Variants in NAA15 observed in about 807,000 individuals in gnomAD.
The protein encoded by NAA15 is N-alpha-acetyltransferase 15, NatA auxiliary subunit.
Under a neutral mutation model 114.0 loss-of-function variants are expected in NAA15, and 34 were observed. That is an observed-to-expected ratio of 0.30 (90% CI 0.23 to 0.40). The LOEUF (loss-of-function observed/expected upper bound fraction) is 0.40, where lower values mean the gene tolerates loss of function less well. Among genes scored for constraint, NAA15 ranks in the 10% least tolerant of loss-of-function variants. The pLI is 1.00. For synonymous variants in NAA15, 340 were observed against 338.0 expected (o/e 1.01, Z -0.06); for missense variants, 658 against 1,004.5 (o/e 0.66, Z 4.66).
chr4:139,387,547 A>AGGCTGAGGTAACATTGCT (rs1748942961), intron 19 of NAA15, among the ~76,000 whole-genome samples: 1 of 152,218 alleles, frequency 6.6e-6, no homozygotes, highest in Non-Finnish European at 1.5e-5. Flanking sequence ...GGGCCAGGCT[A>AGGCTGAGGTAACATTGCT]GGCTGAGGTA....
intron 1 of NAA15, among the ~76,000 whole-genome samples, chr4:139,328,546 CCTTTT>C (rs1332213646): frequency 6.7e-6 from 1 of 149,974 alleles, no homozygotes; most frequent in Non-Finnish European, 1.5e-5. Flanking sequence ...TTTTCCTTTT[CCTTTT>C]CTTTTTCTTT....
At chr4:139,383,448 A>G (rs148205946) in intron 17 of NAA15, among the ~76,000 whole-genome samples, 30 of 152,318 alleles carry the variant, frequency 2.0e-4, no homozygotes, top group African/African-American at 7.0e-4. Flanking sequence ...GCCTGGGAAT[A>G]TGATGACAAC....
At chr4:139,352,566 T>G (rs751473722) in intron 9 of NAA15, among the ~76,000 whole-genome samples, 1 of 152,132 alleles carries the variant, frequency 6.6e-6, no homozygotes, top group Non-Finnish European at 1.5e-5. Flanking sequence ...ATAATGTGCA[T>G]TTATTTGCCG....
At chr4:139,327,067 T>A (rs1437949418) in intron 1 of NAA15, among the ~76,000 whole-genome samples, 1 of 151,890 alleles carries the variant, frequency 6.6e-6, no homozygotes, top group Non-Finnish European at 1.5e-5. Context: ...TCCTGAGTAG[T>A]TGGGCCTAAA....
At chr4:139,386,312 C>T (rs972995609) in intron 19 of NAA15, 82 bp downstream of exon 19, 1 of 698,554 alleles carries the variant, frequency 1.4e-6, no homozygotes, top group Non-Finnish European at 2.4e-6. Flanking sequence ...TTTATACACA[C>T]TGTTTTTTAA....
intron 1 of NAA15, among the ~76,000 whole-genome samples, chr4:139,307,643 T>A (rs768236255): frequency 2.6e-5 from 4 of 152,224 alleles, no homozygotes; most frequent in Non-Finnish European, 5.9e-5. Context: ...AATCTTAATT[T>A]AAATTCAAAT....
chr4:139,357,337 T>G (rs1747989613), intron 10 of NAA15, 49 bp from the exon 11 acceptor site: 1 of 1,566,400 alleles, frequency 6.4e-7, no homozygotes. Flanking sequence ...GGGGGTGCTC[T>G]TAATATATGT....
At chr4:139,358,283 T>C (rs1002655135) in intron 11 of NAA15, among the ~76,000 whole-genome samples, 2 of 151,716 alleles carry the variant, frequency 1.3e-5, no homozygotes, top group African/African-American at 4.8e-5. Context: ...ATGTCTGCCT[T>C]CCGGGTTGAA....
intron 1 of NAA15, among the ~76,000 whole-genome samples, chr4:139,306,057 A>G (rs962892128): frequency 1.3e-5 from 2 of 152,164 alleles, no homozygotes; most frequent in Non-Finnish European, 2.9e-5. Flanking sequence ...GATCTAGTCT[A>G]GTTGATCTCT....
At chr4:139,327,786 C>G (rs1746851571) in intron 1 of NAA15, among the ~76,000 whole-genome samples, 1 of 152,122 alleles carries the variant, frequency 6.6e-6, no homozygotes, top group South Asian at 2.1e-4. Flanking sequence ...CTGCCTCTGC[C>G]TCCCTAGTAG....
At chr4:139,354,179 T>C in intron 10 of NAA15, 81 bp downstream of exon 10, 1 of 1,160,542 alleles carries the variant, frequency 8.6e-7, no homozygotes, top group African/African-American at 1.5e-5. Flanking sequence ...AGGTCAGTAT[T>C]ATTACTTAGG....
chr4:139,341,210 G>A (rs1298970463), intron 4 of NAA15, 141 bp downstream of exon 4: 4 of 563,698 alleles, frequency 7.1e-6, no homozygotes, highest in Non-Finnish European at 1.1e-5. Context: ...CAGTGGTTAT[G>A]TTTATGATTG....
intron 1 of NAA15, among the ~76,000 whole-genome samples, chr4:139,312,215 G>C (rs1294887209): frequency 6.6e-6 from 1 of 151,958 alleles, no homozygotes; most frequent in African/African-American, 2.4e-5. Flanking sequence ...GTTCTGAAAA[G>C]AATGTCAGTT....
chr4:139,354,001 G>A, intron 9 of NAA15, 25 bp from the exon 10 acceptor site: 1 of 1,578,082 alleles, frequency 6.3e-7, no homozygotes, highest in Non-Finnish European at 8.7e-7. Flanking sequence ...TTCTATTAAA[G>A]TGTGTTTGTG....
chr4:139,323,331 T>G lies in NAA15; in HGVS notation c.55-10843T>G, dbSNP rs574892801. On this transcript the variant is annotated intron_variant, in intron 1 of 19. Coordinates refer to ENST00000296543, the MANE Select transcript of NAA15 (RefSeq NM_057175.5). ...GCCTTGGCCTCCCAAAGGTCTAGGA[T>G]TACAGGCATGTGCCACTATGTCTGG... Among the ~76,000 whole-genome samples the G allele has an allele frequency of 9.2e-5, 14 of 152,302 alleles. No homozygotes were observed. The East Asian group carries it at 2.5e-3, about 27-fold the overall frequency.
At chr4:139,307,112 G>A (rs930989863) in intron 1 of NAA15, among the ~76,000 whole-genome samples, 1 of 152,154 alleles carries the variant, frequency 6.6e-6, no homozygotes, top group African/African-American at 2.4e-5. Flanking sequence ...TTATGTTTGT[G>A]ATTTGTCACT....
chr4:139,370,257 A>G lies in NAA15; in HGVS notation c.1800A>G (p.Arg600=). ...TAAAGAAGCTACGTAATAAACAAAGAAGAGCTCAAAAGAAAGCCCAGATAG... is the reference window on the plus strand; with the variant it reads ...TAAAGAAGCTACGTAATAAACAAAGGAGAGCTCAAAAGAAAGCCCAGATAG... ...KELKKLRNKQ[R]RAQKKAQIEE... is the part of the protein sequence containing the mutation. The change falls in exon 15 of 20, where the codon AGA becomes AGG. Residue 600 remains arginine (R), a synonymous_variant. Transcript: ENST00000296543. 1 of 1,576,330 alleles carries G rather than the reference A, an allele frequency of 6.3e-7. No individual in the cohort carries two copies. The highest frequency in any genetic ancestry group is 8.6e-7 in the Non-Finnish European group (1 of 1,165,962).
At chr4:139,365,450 A>C (rs1748252929) in intron 14 of NAA15, among the ~76,000 whole-genome samples, 1 of 152,124 alleles carries the variant, frequency 6.6e-6, no homozygotes, top group Admixed American at 6.6e-5. Flanking sequence ...CATGACTCTG[A>C]GTTATTTTCC....
Position 139,314,888 on chromosome 4 carries a change from C to T in NAA15, c.54+13057C>T, listed in dbSNP as rs548686412. 5.3e-4 allele frequency among the ~76,000 whole-genome samples: 80 copies of T among 151,794 alleles called. 3 individuals carry two copies. Among genetic ancestry groups the T allele is most frequent in the Middle Eastern group, 6.8e-3 (2 of 294 alleles). ...AAACGGGATTTCACCATGTTGGCCA[C>T]GATGGTCTCAATCTCTTGACATTGT... On this transcript the variant is annotated intron_variant, in intron 1 of 19. Coordinates refer to ENST00000296543, the MANE Select transcript of NAA15 (RefSeq NM_057175.5).
Sources: allele counts gnomAD v4.1 joint callset (sites outside exome capture counted in the v4.1 genomes callset), GRCh38; gene constraint gnomAD v4.1.1; transcripts MANE v1.5; gene names NCBI Gene and HGNC (gene_info 2026-07-23, HGNC 2026-07-21).